Variants in RNF6 observed in about 807,000 individuals in gnomAD.
The protein encoded by RNF6 is E3 ubiquitin-protein ligase RNF6.
In RNF6, 21 loss-of-function variants were observed where a neutral mutation model predicts 50.1. The ratio of observed to expected loss-of-function variants is 0.42; its 90% CI spans 0.30 to 0.60. The LOEUF (loss-of-function observed/expected upper bound fraction) is 0.60. RNF6 is among the 20% of genes least tolerant of loss of function. RNF6 has a pLI of 0.20. For missense variants in RNF6, 698 were observed against 838.2 expected, an observed-to-expected ratio of 0.83 and a Z score of 2.07; for synonymous variants, 255 against 291.8, an observed-to-expected ratio of 0.87 and a Z score of 1.29.
chr13:26,144,335 T>C lies in RNF6; in HGVS notation n.769-11884A>G, dbSNP rs377174895. On this transcript the variant is annotated intron_variant and non_coding_transcript_variant, in intron 5 of 5. Coordinates refer to the RNF6 transcript ENST00000468480. ...ATCTACCTGATTATTAAAGTTCTCC[T>C]TTGCTGAGGTGACCCCTTGGTAAGC... Among the ~76,000 whole-genome samples, 8 of 152,238 alleles carry C rather than the reference T, an allele frequency of 5.3e-5. No homozygotes were observed. In the East Asian group the frequency reaches 1.4e-3, roughly 26 times the overall value.
intron 5 of RNF6, among the ~76,000 whole-genome samples, chr13:26,206,319 C>T (rs1386329032): frequency 6.6e-6 from 1 of 152,090 alleles, no homozygotes; most frequent in African/African-American, 2.4e-5. Flanking sequence ...CAGGGTGGCA[C>T]GAGACAGAGT....
intron 5 of RNF6, among the ~76,000 whole-genome samples, chr13:26,204,166 C>T (rs1183163548): frequency 6.6e-6 from 1 of 151,982 alleles, no homozygotes; most frequent in Non-Finnish European, 1.5e-5. Context: ...GTTCACTTCT[C>T]GGAGACCCAA....
At chr13:26,212,665 G>A (rs778098817), downstream of RNF6, 161 of 150,706 alleles carry the variant, frequency 1.1e-3, no homozygotes, top group Non-Finnish European at 4.9e-4. Flanking sequence ...TTTGTCTGTC[G>A]TCTGGGAAAT....
chr13:26,218,650 T>A lies in RNF6; in HGVS notation c.194-44A>T, dbSNP rs1161948679. On this transcript the variant is annotated intron_variant, in intron 3 of 4. Coordinates refer to ENST00000381588, the MANE Select transcript of RNF6 (RefSeq NM_005977.4). ...GCTCATTTAAGAATTCTGAATTAAG[T>A]TTTATGAGACCTCATGAAGGGTAAG... 2.7e-6 allele frequency: 4 copies of A among 1,480,092 alleles called. No homozygotes were observed. The South Asian group carries it at 4.5e-5, about 17-fold the overall frequency. 91.7% of individuals were successfully genotyped at this position (1,480,092 alleles called of 1,614,324 possible). A position where few individuals can be genotyped will look rare whatever the true frequency, so the allele number is the denominator to read the frequency against.
At position 26,195,207 on chromosome 13, in the gene RNF6, C is replaced by T. The variant is rs116920953; in HGVS notation, n.768+20267G>A. On this transcript the variant is annotated intron_variant and non_coding_transcript_variant, in intron 5 of 5. Coordinates refer to the RNF6 transcript ENST00000468480. ...GGCAATGTAAGCAGGGATGGAAATC[C>T]TAAGAATCAAAATGAAATGCTAGAG... 9.8e-3 allele frequency among the ~76,000 whole-genome samples: 1,494 copies of T among 152,132 alleles called. 16 individuals carry two copies. The highest frequency in any genetic ancestry group is 0.015 in the Non-Finnish European group (1,022 of 68,000).
exon 6 of RNF6, chr13:26,132,298 C>T (rs1870430808): frequency 3.0e-6 from 1 of 333,550 alleles, no homozygotes; most frequent in Non-Finnish European, 6.0e-6. Flanking sequence ...AGAAAAAAAA[C>T]TGTTTGTGAA....
chr13:26,144,222 T>A (rs1871112152), intron 5 of RNF6, among the ~76,000 whole-genome samples: 1 of 152,070 alleles, frequency 6.6e-6, no homozygotes, highest in Non-Finnish European at 1.5e-5. Flanking sequence ...CCTGCCACCA[T>A]GGCCACTTTG....
In RNF6 at chr13:26,167,317, A is replaced by G. The variant is rs186482391; in HGVS notation, n.769-34866T>C. 5.1e-4 allele frequency among the ~76,000 whole-genome samples: 77 copies of G among 152,374 alleles called. 1 individual carries two copies. Among genetic ancestry groups the G allele is most frequent in the Non-Finnish European group, 9.3e-4 (63 of 68,042 alleles). ...CAAGCTATGCATCTGACAAAAGTCTAATATCCAGCATCTATAAGGAACTTA... is the reference window on the plus strand; with the variant it reads ...CAAGCTATGCATCTGACAAAAGTCTGATATCCAGCATCTATAAGGAACTTA... On this transcript the variant is annotated intron_variant and non_coding_transcript_variant, in intron 5 of 5. Coordinates refer to the RNF6 transcript ENST00000468480.
At chr13:26,186,041 C>T (rs57056845) in intron 5 of RNF6, among the ~76,000 whole-genome samples, 3,054 of 152,214 alleles carry the variant, frequency 0.02, 105 homozygotes, top group African/African-American at 0.068. Flanking sequence ...GAAACAAACA[C>T]AAAATGTATG....
intron 4 of RNF6, among the ~76,000 whole-genome samples, chr13:26,216,560 C>T (rs893883579): frequency 1.6e-4 from 24 of 152,044 alleles, no homozygotes; most frequent in African/African-American, 5.6e-4. Context: ...TTAAATTTTC[C>T]ATTTATAACC....
intron 5 of RNF6, among the ~76,000 whole-genome samples, chr13:26,193,638 G>C (rs1036421797): frequency 6.6e-6 from 1 of 151,882 alleles, no homozygotes; most frequent in African/African-American, 2.4e-5. Flanking sequence ...AAAGTGGAGA[G>C]AGGGTAAGGT....
At chr13:26,163,074 G>A (rs1872285843) in intron 5 of RNF6, among the ~76,000 whole-genome samples, 1 of 152,058 alleles carries the variant, frequency 6.6e-6, no homozygotes. Context: ...ACTTTGGGAG[G>A]CTGAGGCGGG....
intron 5 of RNF6, among the ~76,000 whole-genome samples, chr13:26,168,011 C>A (rs899770865): frequency 1.3e-5 from 2 of 151,994 alleles, no homozygotes; most frequent in Non-Finnish European, 2.9e-5. Context: ...CACATGGACA[C>A]AAAGAGGAAA....
chr13:26,185,309 T>A (rs926692516), intron 5 of RNF6, among the ~76,000 whole-genome samples: 1 of 152,210 alleles, frequency 6.6e-6, no homozygotes, highest in Non-Finnish European at 1.5e-5. Flanking sequence ...ACCAAGGTAT[T>A]ATTTTTATTT....
Position 26,214,961 on chromosome 13 carries a change from G to A in RNF6, c.921C>T (p.Ser307=), listed in dbSNP as rs779127281. Residue 307 remains serine, a synonymous_variant, in exon 5 of 5, where the codon TCC becomes TCT. Transcript: ENST00000381588. ...GAATTGGTGAACGGCTTCGACTATT[G>A]GAAGTAGATCGTAATCTTATTGGCT... ...RLEPIRLRST[S]NSRSRSPIQR... The A allele has an allele frequency of 1.2e-6, 2 of 1,614,048 alleles. No homozygotes were observed. Among genetic ancestry groups the A allele is most frequent in the Admixed American group, 1.7e-5 (1 of 60,000 alleles).
At chr13:26,184,300 G>A (rs1873411423) in intron 5 of RNF6, among the ~76,000 whole-genome samples, 1 of 151,932 alleles carries the variant, frequency 6.6e-6, no homozygotes. Flanking sequence ...CAAAGTGCTG[G>A]GATTACGGGC....
At chr13:26,172,570 A>G (rs1187647495) in intron 5 of RNF6, among the ~76,000 whole-genome samples, 3 of 149,536 alleles carry the variant, frequency 2.0e-5, no homozygotes, top group Non-Finnish European at 3.0e-5. Flanking sequence ...TTGAGATGGA[A>G]TCTTGCTCTG....
At chr13:26,206,205 G>A (rs1170681396) in intron 5 of RNF6, among the ~76,000 whole-genome samples, 3 of 132,142 alleles carry the variant, frequency 2.3e-5, no homozygotes, top group African/African-American at 5.4e-5. Flanking sequence ...CCTCCCCACT[G>A]CCCCCCGTCC....
intron 5 of RNF6, among the ~76,000 whole-genome samples, chr13:26,137,972 A>C (rs890697722): frequency 6.6e-6 from 1 of 152,180 alleles, no homozygotes; most frequent in Non-Finnish European, 1.5e-5. Flanking sequence ...AATGTGATGG[A>C]AAGCATTAAT....
Sources: gnomAD v4.1 joint callset for allele counts (sites outside exome capture counted in the v4.1 genomes callset) on GRCh38, gnomAD v4.1.1 for gene constraint, MANE v1.5 for transcripts, NCBI Gene and HGNC (gene_info 2026-07-23, HGNC 2026-07-21) for gene names.